The following DLG2 variants were observed in gnomAD, a reference collection of about 807,000 sequenced individuals.
DLG2 encodes discs large MAGUK scaffold protein 2.
Under a neutral mutation model 132.5 loss-of-function variants are expected in DLG2, and 45 were observed. The ratio of observed to expected loss-of-function variants is 0.34; its 90% confidence interval spans 0.27 to 0.44. The LOEUF (loss-of-function observed/expected upper bound fraction) is 0.44. DLG2 is among the 20% of genes least tolerant of loss of function. The probability of loss-of-function intolerance (pLI) is 1.00; values close to 1 mark genes in which losing one functional copy is unlikely to be tolerated. For missense variants in DLG2, 1,045 were observed against 1,196.9 expected (o/e 0.87, Z 1.87); for synonymous variants, 424 against 419.6 (o/e 1.01, Z -0.13).
In DLG2 at chr11:85,564,722, C is replaced by G. The variant is rs144833737; in HGVS notation, c.40+33935G>C. Reference sequence around the variant, plus strand: ...TCTCCTTCTTTTTCAAAACTGCTTTCATTATTCTAGGCTTTTGGCATTTAT... The same window carrying G: ...TCTCCTTCTTTTTCAAAACTGCTTTGATTATTCTAGGCTTTTGGCATTTAT... On this transcript the variant is annotated intron_variant, in intron 3 of 27. Transcript: ENST00000376104. Among the ~76,000 whole-genome samples the G allele has an allele frequency of 8.6e-5, 13 of 152,004 alleles. No homozygotes were observed. In the East Asian group the frequency reaches 2.3e-3, roughly 27 times the overall value.
intron 6 of DLG2, among the ~76,000 whole-genome samples, chr11:84,782,681 G>A (rs1188923548): frequency 6.6e-6 from 1 of 152,132 alleles, no homozygotes; most frequent in Non-Finnish European, 1.5e-5. Flanking sequence ...GTTTCTCACT[G>A]TTTGTGAAAT....
At chr11:84,167,713 C>G (rs1451758369) in intron 8 of DLG2, among the ~76,000 whole-genome samples, 1 of 151,830 alleles carries the variant, frequency 6.6e-6, no homozygotes, top group Non-Finnish European at 1.5e-5. Context: ...GTCAACCAGG[C>G]TGGGGTACAG....
intron 6 of DLG2, among the ~76,000 whole-genome samples, chr11:84,738,514 T>C (rs747079090): frequency 2.0e-5 from 3 of 152,288 alleles, no homozygotes; most frequent in Non-Finnish European, 4.4e-5. Flanking sequence ...TGTTTCTCAA[T>C]AGACATACAC....
chr11:85,312,580 C>T (rs951722963), intron 3 of DLG2, among the ~76,000 whole-genome samples: 27 of 151,800 alleles, frequency 1.8e-4, no homozygotes, highest in African/African-American at 5.8e-4. Flanking sequence ...ATTCCTAAGT[C>T]CCCAGATCCT....
chr11:84,756,740 AT>A (rs1174824170), intron 6 of DLG2, among the ~76,000 whole-genome samples: 2 of 152,036 alleles, frequency 1.3e-5, no homozygotes, highest in East Asian at 1.9e-4. Flanking sequence ...ATATAATGAG[AT>A]TTTTTTGTGA....
intron 18 of DLG2, among the ~76,000 whole-genome samples, chr11:83,733,801 C>A (rs1007846451): frequency 1.3e-5 from 2 of 152,190 alleles, no homozygotes; most frequent in Non-Finnish European, 2.9e-5. Context: ...GGAGGATACA[C>A]GTGCAGTTTT....
intron 6 of DLG2, among the ~76,000 whole-genome samples, chr11:84,729,641 C>T (rs1050109292): frequency 2.6e-5 from 4 of 151,976 alleles, no homozygotes; most frequent in African/African-American, 7.2e-5. Flanking sequence ...CTACTTTGAG[C>T]GAGTCACACG....
At chr11:84,481,185 A>G (rs1461500944) in intron 7 of DLG2, among the ~76,000 whole-genome samples, 5 of 152,194 alleles carry the variant, frequency 3.3e-5, no homozygotes, top group Non-Finnish European at 7.3e-5. Context: ...TATTTTGTCT[A>G]TCATATGGAT....
chr11:83,847,838 G>T (rs1461853902), intron 16 of DLG2, among the ~76,000 whole-genome samples: 1 of 152,112 alleles, frequency 6.6e-6, no homozygotes, highest in Non-Finnish European at 1.5e-5. Flanking sequence ...TCTATTGTTA[G>T]GTCCTCTCCA....
At chr11:84,707,162 C>T (rs554759945) in intron 6 of DLG2, among the ~76,000 whole-genome samples, 1 of 151,808 alleles carries the variant, frequency 6.6e-6, no homozygotes, top group South Asian at 2.1e-4. Flanking sequence ...ATATAGCTCC[C>T]CAAGCGAACA....
At chr11:84,602,116 G>A (rs1213808772) in intron 6 of DLG2, among the ~76,000 whole-genome samples, 1 of 151,960 alleles carries the variant, frequency 6.6e-6, no homozygotes, top group Non-Finnish European at 1.5e-5. Flanking sequence ...CTCTGTGCTG[G>A]ACACTGGGAA....
Position 84,478,209 on chromosome 11 carries a change from A to C in DLG2, c.519+56361T>G, listed in dbSNP as rs2099127040. ...CACAGTGGCTCAATTTGTTTAATAT[A>C]AAAAAGCTTAATAGCAATGCCTGTT... is the stretch of plus-strand genomic sequence containing the variant. On this transcript the variant is annotated intron_variant, in intron 7 of 27. Coordinates refer to ENST00000376104, the MANE Select transcript of DLG2 (RefSeq NM_001142699.3). Among the ~76,000 whole-genome samples, 7 of 152,306 alleles carry C rather than the reference A, an allele frequency of 4.6e-5. No individual in the cohort carries two copies. In the South Asian group the frequency reaches 1.4e-3, roughly 32 times the overall value.
intron 3 of DLG2, among the ~76,000 whole-genome samples, chr11:85,354,945 C>A (rs887725801): frequency 5.9e-5 from 9 of 151,744 alleles, no homozygotes; most frequent in Non-Finnish European, 1.2e-4. Flanking sequence ...GATAACATTT[C>A]TTGCCAAAGG....
intron 18 of DLG2, among the ~76,000 whole-genome samples, chr11:83,676,175 G>A (rs2153584917): frequency 6.6e-6 from 1 of 152,278 alleles, no homozygotes; most frequent in Admixed American, 6.5e-5. Flanking sequence ...TCTCTTCAAA[G>A]TGAATTCTAG....
chr11:85,170,454 GC>G (rs1566963300), intron 4 of DLG2, among the ~76,000 whole-genome samples: 1 of 152,148 alleles, frequency 6.6e-6, no homozygotes, highest in Non-Finnish European at 1.5e-5. Context: ...GAGTAATTCT[GC>G]TTTCTATGAC....
Position 83,552,572 on chromosome 11 carries a change from C to T in DLG2, c.1941-10714G>A, listed in dbSNP as rs147319911. Among the ~76,000 whole-genome samples, 167 of 152,176 alleles carry T rather than the reference C, an allele frequency of 1.1e-3. 1 individual carries two copies. Among genetic ancestry groups the T allele is most frequent in the African/African-American group, 3.8e-3 (157 of 41,526 alleles). On this transcript the variant is annotated intron_variant, in intron 19 of 27. Coordinates refer to ENST00000376104, the MANE Select transcript of DLG2 (RefSeq NM_001142699.3). Reference sequence around the variant, plus strand: ...GCAGAGGGGTGGTAGCACATCTGCCCACCCCTACCTACTAAGCAGCCTGAT... The same window carrying T: ...GCAGAGGGGTGGTAGCACATCTGCCTACCCCTACCTACTAAGCAGCCTGAT...
At chr11:85,060,417 G>T (rs1229317503) in intron 6 of DLG2, among the ~76,000 whole-genome samples, 1 of 149,970 alleles carries the variant, frequency 6.7e-6, no homozygotes, top group Admixed American at 6.7e-5. Context: ...ATATATGTGT[G>T]TGTATATATA....
intron 12 of DLG2, among the ~76,000 whole-genome samples, chr11:83,971,104 TTGTCATTGTC>T (rs1235245139): frequency 6.6e-6 from 1 of 152,160 alleles, no homozygotes; most frequent in Non-Finnish European, 1.5e-5. Flanking sequence ...TTGTCATTGT[TTGTCATTGTC>T]TTTTTTATTC....
chr11:84,487,689 A>G (rs887818336), intron 7 of DLG2, among the ~76,000 whole-genome samples: 3 of 152,162 alleles, frequency 2.0e-5, no homozygotes, highest in Non-Finnish European at 4.4e-5. Context: ...AGAGAAATAC[A>G]GAGATAACTA....
Sources: gnomAD v4.1 joint callset for allele counts (sites outside exome capture counted in the v4.1 genomes callset) on GRCh38, gnomAD v4.1.1 for gene constraint, MANE v1.5 for transcripts, NCBI Gene and HGNC (gene_info 2026-07-23, HGNC 2026-07-21) for gene names.